CEP120: variants seen among roughly 807,000 people sequenced by gnomAD.
The protein encoded by CEP120 is centrosomal protein of 120 kDa.
Under a neutral mutation model 126.5 loss-of-function variants are expected in CEP120, and 113 were observed. That is an observed-to-expected ratio of 0.89 (90% CI 0.77 to 1.04). The LOEUF (loss-of-function observed/expected upper bound fraction) is 1.04, where lower values mean the gene tolerates loss of function less well. Among genes scored for constraint, CEP120 ranks in the 50% least tolerant of loss-of-function variants. The probability of loss-of-function intolerance (pLI) is 0.00; values close to 1 mark genes in which losing one functional copy is unlikely to be tolerated. For missense variants in CEP120, 1,230 were observed against 1,155.7 expected, an observed-to-expected ratio of 1.06 and a Z score of -0.93; for synonymous variants, 400 against 394.3, an observed-to-expected ratio of 1.01 and a Z score of -0.17.
chr5:123,354,267 T>C (rs560216260), intron 18 of CEP120, among the ~76,000 whole-genome samples: 2 of 152,268 alleles, frequency 1.3e-5, no homozygotes, highest in East Asian at 1.9e-4. Context: ...TCAGAGAACA[T>C]ATTCTAAATT....
rs1773312615 is a variant in CEP120, at chr5:123,402,356, G to C, written c.464-3072C>G. The C allele has an allele frequency of 5.7e-6, 8 of 1,392,810 alleles. No homozygotes were observed. The East Asian group carries it at 1.9e-4, about 33-fold the overall frequency. The allele number at this position is 1,392,810 out of a possible 1,614,324, so 86.3% of individuals were successfully genotyped here. On this transcript the variant is annotated intron_variant, in intron 4 of 19. Transcript: ENST00000306467. ...CCTAATGGACATGGTGGAGGCAGGA[G>C]TGGAGGCAGGCGGGCCGAACCAGGC...
intron 5 of CEP120, among the ~76,000 whole-genome samples, chr5:123,394,088 C>T (rs1343210702): frequency 1.3e-5 from 2 of 152,140 alleles, no homozygotes; most frequent in African/African-American, 4.8e-5. Flanking sequence ...GGATTCTTGT[C>T]CTACAAAATA....
At chr5:123,414,989 AAAAAAAAAAAAAAGCCCT>A (rs1774293470) in intron 3 of CEP120, among the ~76,000 whole-genome samples, 1 of 149,786 alleles carries the variant, frequency 6.7e-6, no homozygotes, top group Non-Finnish European at 1.5e-5. Flanking sequence ...AAAAAAAAAA[AAAAAAAAAAAAAAGCCCT>A]AAGCAGCACC....
At chr5:123,359,287 CAT>C (rs1186697288) in intron 18 of CEP120, among the ~76,000 whole-genome samples, 3 of 152,034 alleles carry the variant, frequency 2.0e-5, no homozygotes, top group African/African-American at 7.2e-5. Context: ...TGGGAACAAA[CAT>C]ACCTACTCTG....
chr5:123,364,057 C>T (rs750239850), intron 18 of CEP120, among the ~76,000 whole-genome samples: 13 of 151,412 alleles, frequency 8.6e-5, no homozygotes, highest in Non-Finnish European at 1.8e-4. Flanking sequence ...CTTTAAAAAT[C>T]ATGCAAAAAT....
Position 123,383,039 on chromosome 5 carries a change from C to G in CEP120, c.1807G>C (p.Glu603Gln). The change falls in exon 12 of 20, where the codon GAA becomes CAA. Residue 603 changes from glutamate to glutamine, a missense_variant. Transcript: ENST00000306467. Reference sequence around the variant, plus strand: ...CGCATTTTTACTAGTCCATAATCTTCTAGAGTCACTGTGTAAGAAAGATCT... The same window carrying G: ...CGCATTTTTACTAGTCCATAATCTTGTAGAGTCACTGTGTAAGAAAGATCT... ...IADLSYTVTL[E>Q]DYGLVKMREI... 1 of 1,581,518 alleles carries G rather than the reference C, an allele frequency of 6.3e-7. No individual in the cohort carries two copies. The highest frequency in any genetic ancestry group is 8.7e-7 in the Non-Finnish European group (1 of 1,152,292).
chr5:123,396,426 GT>G (rs981234918), intron 5 of CEP120, among the ~76,000 whole-genome samples: 117 of 144,562 alleles, frequency 8.1e-4, no homozygotes, highest in Middle Eastern at 3.6e-3. Context: ...CAACCTGTGT[GT>G]TTTTTTTTTT....
At position 123,377,553 on chromosome 5, in the gene CEP120, T is replaced by C; in HGVS notation, c.2197-18A>G. On this transcript the variant is annotated intron_variant, in intron 15 of 19. Coordinates refer to ENST00000306467, the MANE Select transcript of CEP120 (RefSeq NM_001375405.1). ...CTTTGAAGCTTAAAACAAAGGCATC[T>C]TTAAGAGGTTGGTTTATTGCTAGCT... The C allele has an allele frequency of 6.4e-7, 1 of 1,565,090 alleles. No individual in the cohort carries two copies. The highest frequency in any genetic ancestry group is 8.6e-7 in the Non-Finnish European group (1 of 1,165,792).
At chr5:123,391,012 A>G in intron 7 of CEP120, 98 bp downstream of exon 7, 1 of 801,260 alleles carries the variant, frequency 1.2e-6, no homozygotes. Context: ...ATTAATAAAT[A>G]TATCCTTATG....
At chr5:123,379,539 A>AT (rs2127040628) in intron 14 of CEP120, among the ~76,000 whole-genome samples, 1 of 152,216 alleles carries the variant, frequency 6.6e-6, no homozygotes, top group South Asian at 2.1e-4. Flanking sequence ...AAAATGGTAC[A>AT]TAACTACCAT....
At chr5:123,351,347 G>A (rs1308469213) in intron 18 of CEP120, among the ~76,000 whole-genome samples, 1 of 152,106 alleles carries the variant, frequency 6.6e-6, no homozygotes, top group Admixed American at 6.6e-5. Context: ...GTTCTCTGTA[G>A]TTAATCATTT....
chr5:123,378,336 C>T lies in CEP120; in HGVS notation c.2196G>A (p.Glu732=). Residue 732 remains glutamate (E), a splice_region_variant and synonymous_variant, in exon 15 of 20, where the codon GAG becomes GAA. Transcript: ENST00000306467. ...REQQLASVES[E]LQREKKELQS... ...AAAATACAATGGACGAATGACATAC[C>T]TCTGATTCCACACTAGCAAGCTGCT... 6.3e-7 allele frequency: 1 copy of T among 1,591,434 alleles called. No homozygotes were observed. Among genetic ancestry groups the T allele is most frequent in the Non-Finnish European group, 8.5e-7 (1 of 1,171,944 alleles).
chr5:123,396,638 T>C (rs1772809640), intron 5 of CEP120, among the ~76,000 whole-genome samples: 3 of 152,202 alleles, frequency 2.0e-5, no homozygotes, highest in Admixed American at 2.0e-4. Flanking sequence ...GAAAAGATGG[T>C]AACTATCACG....
intron 16 of CEP120, among the ~76,000 whole-genome samples, chr5:123,374,741 A>T (rs1771087523): frequency 6.6e-6 from 1 of 152,178 alleles, no homozygotes; most frequent in South Asian, 2.1e-4. Context: ...ATTTTTTAAC[A>T]TCCAAAGTTG....
chr5:123,388,352 A>G, intron 9 of CEP120, 80 bp downstream of exon 9: 2 of 960,450 alleles, frequency 2.1e-6, no homozygotes, highest in Admixed American at 6.0e-5. Context: ...CTTTGGTGAC[A>G]TTTCTCTCTG....
rs1315337247 is a variant in CEP120, at chr5:123,402,263, A to T, written c.464-2979T>A. On this transcript the variant is annotated intron_variant, in intron 4 of 19. Coordinates refer to ENST00000306467, the MANE Select transcript of CEP120 (RefSeq NM_001375405.1). ...AGGAGCTGATGTGGGCACCGGGCCC[A>T]CTTGTGTAGGAGTGGCTGCTGAAGG... 7 of 1,495,286 alleles carry T rather than the reference A, an allele frequency of 4.7e-6. No homozygotes were observed. In the African/African-American group the frequency reaches 9.6e-5, roughly 21 times the overall value. The allele number at this position is 1,495,286 out of a possible 1,614,324, so 92.6% of individuals were successfully genotyped here.
intron 1 of CEP120, among the ~76,000 whole-genome samples, chr5:123,422,024 C>T (rs11953651): frequency 0.43 from 66,093 of 151,996 alleles, 14,309 homozygotes; most frequent in East Asian, 0.47. Flanking sequence ...ACATACTATT[C>T]GTAAAGTGTC....
rs561091494 is a variant in CEP120, at chr5:123,415,117, A to G, written c.321+893T>C. Among the ~76,000 whole-genome samples, 9 of 152,186 alleles carry G rather than the reference A, an allele frequency of 5.9e-5. No individual in the cohort carries two copies. The South Asian group carries it at 1.7e-3, about 28-fold the overall frequency. On this transcript the variant is annotated intron_variant, in intron 3 of 19. Coordinates refer to ENST00000306467, the MANE Select transcript of CEP120 (RefSeq NM_001375405.1). ...GAGAGGTACTGGTTAGATAACATCA[A>G]CTGTGTTTCAATAAGTTCACTTGCT...
intron 5 of CEP120, among the ~76,000 whole-genome samples, chr5:123,397,799 T>C (rs906949086): frequency 2.0e-5 from 3 of 152,118 alleles, no homozygotes; most frequent in African/African-American, 7.2e-5. Flanking sequence ...AGAAAGTAAA[T>C]AAGGCCGGGC....
Sources: allele counts gnomAD v4.1 joint callset (sites outside exome capture counted in the v4.1 genomes callset), GRCh38; gene constraint gnomAD v4.1.1; transcripts MANE v1.5; gene names NCBI Gene and HGNC (gene_info 2026-07-23, HGNC 2026-07-21).